Variants in MTDH observed in about 807,000 individuals in gnomAD.
The protein encoded by MTDH is protein LYRIC.
A neutral mutation model predicts 72.7 loss-of-function variants in MTDH; 34 were observed. The ratio of observed to expected loss-of-function variants is 0.47; its 90% CI spans 0.36 to 0.62. The LOEUF (loss-of-function observed/expected upper bound fraction) is 0.62, where lower values mean the gene tolerates loss of function less well. MTDH is among the 20% of genes least tolerant of loss of function. The probability of loss-of-function intolerance (pLI) is 0.00; values close to 1 mark genes in which losing one functional copy is unlikely to be tolerated. For synonymous variants in MTDH, 266 were observed against 268.9 expected (o/e 0.99, Z 0.10); for missense variants, 677 against 699.4 (o/e 0.97, Z 0.36).
At position 97,715,215 on chromosome 8, in the gene MTDH, T is replaced by C. The variant is rs1814814364; in HGVS notation, c.1380+1446T>C. On this transcript the variant is annotated intron_variant, in intron 9 of 11. Transcript: ENST00000336273. ...TAGTCTCACCTCACTGTAACCTGCC[T>C]CTCCCAGGTTCAAGTGATTCTCCTG... 2.0e-5 allele frequency among the ~76,000 whole-genome samples: 3 copies of C among 151,128 alleles called. No individual in the cohort carries two copies. The South Asian group carries it at 6.3e-4, about 32-fold the overall frequency.
At chr8:97,676,026 A>G (rs921547387) in intron 2 of MTDH, among the ~76,000 whole-genome samples, 4 of 151,270 alleles carry the variant, frequency 2.6e-5, no homozygotes, top group African/African-American at 7.3e-5. Flanking sequence ...AGCATCCTCA[A>G]TCTTACGGGC....
intron 2 of MTDH, among the ~76,000 whole-genome samples, chr8:97,672,994 A>G (rs1812692081): frequency 6.6e-6 from 1 of 152,162 alleles, no homozygotes; most frequent in South Asian, 2.1e-4. Flanking sequence ...ATTTGAGTGG[A>G]GGGACCGAAT....
At chr8:97,686,203 A>G (rs1813356580) in intron 2 of MTDH, among the ~76,000 whole-genome samples, 1 of 152,218 alleles carries the variant, frequency 6.6e-6, no homozygotes, top group African/African-American at 2.4e-5. Flanking sequence ...ATATGTTGCA[A>G]TAGGTTTTAA....
chr8:97,699,860 CT>C lies in MTDH; in HGVS notation c.1147+12del. 1 of 1,572,936 alleles carries C rather than the reference CT, an allele frequency of 6.4e-7. No individual in the cohort carries two copies. The highest frequency in any genetic ancestry group is 8.7e-7 in the Non-Finnish European group (1 of 1,148,834). On this transcript the variant is annotated intron_variant, in intron 7 of 11. Coordinates refer to ENST00000336273, the MANE Select transcript of MTDH (RefSeq NM_178812.4). ...ATGAATGGTCTGGGTTAAGTATGTC[CT>C]TTTAAAAATTATCAGTTATTTTTTT...
At chr8:97,652,252 A>G (rs1178432041) in intron 1 of MTDH, among the ~76,000 whole-genome samples, 2 of 152,160 alleles carry the variant, frequency 1.3e-5, no homozygotes, top group African/African-American at 4.8e-5. Flanking sequence ...TTTCATTCTA[A>G]GCTGAATTTG....
chr8:97,687,621 A>G lies in MTDH; in HGVS notation c.745+16A>G. 3 of 1,564,638 alleles carry G rather than the reference A, an allele frequency of 1.9e-6. No homozygotes were observed. The highest frequency in any genetic ancestry group is 2.6e-6 in the Non-Finnish European group (3 of 1,154,006). The stretch of plus-strand genomic sequence containing the variant: ...AAGAATAAAGGTATATTAGTGGAAC[A>G]TAAGACAGTGGTACATCAAATCAAA... On this transcript the variant is annotated intron_variant, in intron 4 of 11. Coordinates refer to ENST00000336273, the MANE Select transcript of MTDH (RefSeq NM_178812.4).
chr8:97,700,125 T>C (rs1814046270), intron 7 of MTDH, among the ~76,000 whole-genome samples: 2 of 152,232 alleles, frequency 1.3e-5, no homozygotes, highest in South Asian at 4.1e-4. Flanking sequence ...TTTAAATGAA[T>C]GTCTGTTTCT....
At chr8:97,648,326 A>G (rs1386068850) in intron 1 of MTDH, among the ~76,000 whole-genome samples, 1 of 151,450 alleles carries the variant, frequency 6.6e-6, no homozygotes, top group Non-Finnish European at 1.5e-5. Flanking sequence ...TTTTCATGAC[A>G]TCTACCTCAA....
At chr8:97,649,157 A>G (rs1166509072) in intron 1 of MTDH, among the ~76,000 whole-genome samples, 2 of 152,198 alleles carry the variant, frequency 1.3e-5, no homozygotes, top group African/African-American at 4.8e-5. Context: ...TGATGTTTGC[A>G]CAAAGATGCA....
intron 2 of MTDH, among the ~76,000 whole-genome samples, chr8:97,668,072 G>A (rs1812461982): frequency 6.6e-6 from 1 of 152,114 alleles, no homozygotes; most frequent in Non-Finnish European, 1.5e-5. Flanking sequence ...TGGATCACAA[G>A]GTCAGGAGAT....
At chr8:97,702,908 CT>C (rs1814192663) in intron 7 of MTDH, among the ~76,000 whole-genome samples, 1 of 152,168 alleles carries the variant, frequency 6.6e-6, no homozygotes, top group Non-Finnish European at 1.5e-5. Flanking sequence ...ATTCCTTACC[CT>C]TTTGAAAAGA....
At chr8:97,692,790 C>T (rs1813668808) in intron 6 of MTDH, among the ~76,000 whole-genome samples, 1 of 151,352 alleles carries the variant, frequency 6.6e-6, no homozygotes, top group Non-Finnish European at 1.5e-5. Flanking sequence ...AGTGCAGTGG[C>T]ATGATTTCAG....
chr8:97,685,899 A>G (rs1215725826), intron 2 of MTDH, among the ~76,000 whole-genome samples: 1 of 152,238 alleles, frequency 6.6e-6, no homozygotes, highest in African/African-American at 2.4e-5. Context: ...AAATACAGAA[A>G]TTATGGCTTA....
At chr8:97,646,536 C>G (rs1292301518) in intron 1 of MTDH, among the ~76,000 whole-genome samples, 3 of 152,172 alleles carry the variant, frequency 2.0e-5, no homozygotes, top group African/African-American at 7.2e-5. Flanking sequence ...GTGAAAATTT[C>G]AAAGCCCTAT....
intron 2 of MTDH, among the ~76,000 whole-genome samples, chr8:97,671,122 C>T (rs1043508857): frequency 1.6e-4 from 24 of 151,972 alleles, no homozygotes; most frequent in African/African-American, 4.3e-4. Flanking sequence ...CCCACCACCG[C>T]GCCCGGCTAA....
intron 2 of MTDH, among the ~76,000 whole-genome samples, chr8:97,683,867 T>C (rs1319353904): frequency 2.0e-5 from 3 of 152,018 alleles, no homozygotes; most frequent in African/African-American, 4.8e-5. Context: ...ATCCCAGCAT[T>C]TTGGGAGGCC....
At chr8:97,718,848 C>T (rs903630937) in intron 9 of MTDH, among the ~76,000 whole-genome samples, 1 of 151,538 alleles carries the variant, frequency 6.6e-6, no homozygotes, top group Non-Finnish European at 1.5e-5. Context: ...ATGTATACAC[C>T]ACCACATGTG....
At chr8:97,690,362 G>A (rs927437663) in intron 5 of MTDH, among the ~76,000 whole-genome samples, 10 of 151,996 alleles carry the variant, frequency 6.6e-5, no homozygotes, top group African/African-American at 2.4e-4. Flanking sequence ...CTCAACCCTG[G>A]CTACACATTA....
Position 97,661,181 on chromosome 8 carries a change from T to G in MTDH, c.483+8T>G. On this transcript the variant is annotated splice_region_variant and intron_variant, in intron 2 of 11. Coordinates refer to ENST00000336273, the MANE Select transcript of MTDH (RefSeq NM_178812.4). ...GACAAGAAAAATGAAAAGGTAAGTT[T>G]GGGAGCATATGAAATTGTATGCAAG... 4 of 1,591,492 alleles carry G rather than the reference T, an allele frequency of 2.5e-6. No homozygotes were observed. The highest frequency in any genetic ancestry group is 3.4e-6 in the Non-Finnish European group (4 of 1,163,926).
Sources: gnomAD v4.1 joint callset for allele counts (sites outside exome capture counted in the v4.1 genomes callset) on GRCh38, gnomAD v4.1.1 for gene constraint, MANE v1.5 for transcripts, NCBI Gene and HGNC (gene_info 2026-07-23, HGNC 2026-07-21) for gene names.